Variants in LAMA2 observed in about 807,000 individuals in gnomAD.
LAMA2 encodes laminin subunit alpha 2, also known as laminin subunit alpha-2.
A neutral mutation model predicts 364.8 loss-of-function variants in LAMA2; 269 were observed. The ratio of observed to expected loss-of-function variants is 0.74; its 90% CI spans 0.67 to 0.82. The LOEUF is 0.82. Among genes scored for constraint, LAMA2 ranks in the 40% least tolerant of loss-of-function variants. LAMA2 has a pLI of 0.00. For synonymous variants in LAMA2, 1,379 were observed against 1,370.6 expected (o/e 1.01, Z -0.14); for missense variants, 3,807 against 3,873.2 (o/e 0.98, Z 0.45).
At chr6:129,349,185 G>A (rs1776721378) in intron 30 of LAMA2, 113 bp from the exon 31 acceptor site, 8 of 761,958 alleles carry the variant, frequency 1.0e-5, no homozygotes, top group South Asian at 8.7e-5. Context: ...TATAAAGATG[G>A]CATTTATTAC....
intron 36 of LAMA2, 125 bp downstream of exon 36, chr6:129,391,778 G>C (rs1057340229): frequency 1.1e-5 from 8 of 757,762 alleles, no homozygotes; most frequent in African/African-American, 1.8e-5. Context: ...GGAGATATTT[G>C]CTATGTTATC....
chr6:129,315,870 A>C lies in LAMA2; in HGVS notation c.3844A>C (p.Thr1282Pro), dbSNP rs376886784. ...PQVIIRGGTP[T>P]HARIIVRHMA... ...AGTGATCATTCGAGGTGGGACACCT[A>C]CTCATGCTAGAATTATCGTCAGGCA... The change falls in exon 26 of 65, where the codon ACT becomes CCT. Residue 1282 changes from threonine to proline, a missense_variant. Physicochemically the swap from Thr to Pro is conservative, Grantham distance 38 (BLOSUM62 -1). This residue lies in a region of LAMA2 where 3,333 missense variants were observed against 3,345.7 expected (regional missense o/e 1.00). Coordinates refer to ENST00000421865, the MANE Select transcript of LAMA2 (RefSeq NM_000426.4). 3.7e-6 allele frequency: 6 copies of C among 1,614,018 alleles called. No individual in the cohort carries two copies. The East Asian group carries it at 6.7e-5, about 18-fold the overall frequency.
intron 62 of LAMA2, among the ~76,000 whole-genome samples, chr6:129,508,429 T>TTA (rs1157404494): frequency 1.0e-5 from 1 of 99,932 alleles, no homozygotes; most frequent in East Asian, 3.3e-4. Context: ...TTTTTTTTTT[T>TTA]TTACTGTAGT....
chr6:129,326,784 A>T (rs568103162), intron 28 of LAMA2, among the ~76,000 whole-genome samples: 4 of 141,748 alleles, frequency 2.8e-5, no homozygotes, highest in East Asian at 4.0e-4. Context: ...TTTATATATT[A>T]TATATATATA....
At chr6:129,319,866 C>G (rs1285035784) in intron 27 of LAMA2, among the ~76,000 whole-genome samples, 1 of 152,170 alleles carries the variant, frequency 6.6e-6, no homozygotes, top group African/African-American at 2.4e-5. Context: ...GGCTCAGTGG[C>G]TCATGCCTGT....
chr6:129,436,335 A>G (rs1035841167), intron 41 of LAMA2, among the ~76,000 whole-genome samples: 1 of 152,132 alleles, frequency 6.6e-6, no homozygotes, highest in Non-Finnish European at 1.5e-5. Flanking sequence ...GTGTCAGCAT[A>G]TATATGGTGC....
intron 1 of LAMA2, among the ~76,000 whole-genome samples, chr6:128,996,243 C>A (rs754897904): frequency 6.6e-6 from 1 of 151,866 alleles, no homozygotes; most frequent in African/African-American, 2.4e-5. Flanking sequence ...ATGTGAAGAT[C>A]GGGGAAATGA....
chr6:129,515,348 C>T (rs972375404), intron 64 of LAMA2, among the ~76,000 whole-genome samples: 3 of 152,186 alleles, frequency 2.0e-5, no homozygotes, highest in African/African-American at 7.2e-5. Context: ...GATAGAAATG[C>T]AATGGGGGCC....
At chr6:129,031,283 G>A (rs146252362) in intron 1 of LAMA2, among the ~76,000 whole-genome samples, 2 of 152,112 alleles carry the variant, frequency 1.3e-5, no homozygotes, top group Admixed American at 1.3e-4. Flanking sequence ...GCTTGAGTCA[G>A]CTATGAAATA....
At chr6:129,165,842 T>C (rs1408640170) in intron 9 of LAMA2, among the ~76,000 whole-genome samples, 167 bp downstream of exon 9, 2 of 152,228 alleles carry the variant, frequency 1.3e-5, no homozygotes, top group Non-Finnish European at 2.9e-5. Flanking sequence ...TTTAAACTCA[T>C]CTCAATAATT....
intron 4 of LAMA2, among the ~76,000 whole-genome samples, chr6:129,105,801 G>C (rs1160963566): frequency 2.0e-5 from 3 of 152,024 alleles, no homozygotes; most frequent in Non-Finnish European, 4.4e-5. Flanking sequence ...ATATTGAGGA[G>C]GACGAACTTT....
chr6:128,921,700 T>TA lies in LAMA2; in HGVS notation c.112+38343_112+38344insA, dbSNP rs1270710027. 3.9e-3 allele frequency among the ~76,000 whole-genome samples: 566 copies of TA among 144,130 alleles called. 4 individuals are homozygous for TA. Among genetic ancestry groups the TA allele is most frequent in the African/African-American group, 0.015 (544 of 35,908 alleles). The allele number at this position is 144,130 out of a possible 152,430, so 94.6% of individuals were successfully genotyped here. On this transcript the variant is annotated intron_variant, in intron 1 of 64. Transcript: ENST00000421865. ...CTGAACTGTGAAATGAATGTCTGTT[T>TA]TTTTTTTTTTTTTATTATTATTATA... is the stretch of plus-strand genomic sequence containing the variant.
chr6:129,471,244 C>G (rs1186941721), intron 51 of LAMA2, among the ~76,000 whole-genome samples: 1 of 151,870 alleles, frequency 6.6e-6, no homozygotes, highest in East Asian at 1.9e-4. Flanking sequence ...TTAGCATTTA[C>G]TAGCATTTCC....
chr6:129,260,816 T>G lies in LAMA2; in HGVS notation c.2202T>G (p.Ser734=), dbSNP rs767700071. 3 of 1,583,832 alleles carry G rather than the reference T, an allele frequency of 1.9e-6. No homozygotes were observed. The South Asian group carries it at 3.3e-5, about 17-fold the overall frequency. Residue 734 remains serine, a synonymous_variant, in exon 15 of 65, where the codon TCT becomes TCG. Coordinates refer to ENST00000421865, the MANE Select transcript of LAMA2 (RefSeq NM_000426.4). ...CQCPPGYTGS[S]CESCWPRHRR... ...GCCCACCAGGGTATACTGGCTCCTC[T>G]TGTGAAGTAAGCTTGCAAGAATGTA... is the stretch of plus-strand genomic sequence containing the variant.
At chr6:129,246,157 T>C (rs963031618) in intron 12 of LAMA2, among the ~76,000 whole-genome samples, 1 of 152,210 alleles carries the variant, frequency 6.6e-6, no homozygotes, top group Non-Finnish European at 1.5e-5. Flanking sequence ...GGGTAGTATA[T>C]ACCTTCTCAA....
chr6:129,133,886 G>A lies in LAMA2; in HGVS notation c.640-10015G>A, dbSNP rs570431265. 3.6e-3 allele frequency among the ~76,000 whole-genome samples: 542 copies of A among 151,606 alleles called. 1 individual carries two copies. Among genetic ancestry groups the A allele is most frequent in the African/African-American group, 0.012 (516 of 41,388 alleles). On this transcript the variant is annotated intron_variant, in intron 4 of 64. Coordinates refer to ENST00000421865, the MANE Select transcript of LAMA2 (RefSeq NM_000426.4). The stretch of plus-strand genomic sequence containing the variant: ...CAATTCAACACACACACACACACGC[G>A]CACACACAATTCAACTTTTCTCTGA...
intron 29 of LAMA2, among the ~76,000 whole-genome samples, chr6:129,330,801 T>A (rs1048191746): frequency 6.6e-6 from 1 of 152,004 alleles, no homozygotes; most frequent in Non-Finnish European, 1.5e-5. Flanking sequence ...CCCTGGCTAC[T>A]CCTTTACTTA....
At chr6:129,262,665 T>C (rs1346919790) in intron 15 of LAMA2, among the ~76,000 whole-genome samples, 1 of 152,194 alleles carries the variant, frequency 6.6e-6, no homozygotes, top group Non-Finnish European at 1.5e-5. Flanking sequence ...AATTCATTTT[T>C]TCCTTATCAA....
intron 43 of LAMA2, chr6:129,442,749 T>C: frequency 2.5e-6 from 1 of 392,958 alleles, no homozygotes; most frequent in Non-Finnish European, 4.7e-6. Context: ...CCTTTTGTCA[T>C]ATCTCTGTTT....
Sources: allele counts gnomAD v4.1 joint callset (sites outside exome capture counted in the v4.1 genomes callset), GRCh38; gene constraint gnomAD v4.1.1; regional missense constraint gnomAD v4.1.1; transcripts MANE v1.5; gene names NCBI Gene and HGNC (gene_info 2026-07-23, HGNC 2026-07-21).